DTNB: variants seen among roughly 807,000 people sequenced by gnomAD.
DTNB encodes the protein DTN-B.
Under a neutral mutation model 90.7 loss-of-function variants are expected in DTNB, and 63 were observed. The observed-to-expected ratio is 0.69, with a 90% CI of 0.57 to 0.86. The LOEUF (loss-of-function observed/expected upper bound fraction) is 0.86, where lower values mean the gene tolerates loss of function less well. Among genes scored for constraint, DTNB ranks in the 40% least tolerant of loss-of-function variants. The probability of loss-of-function intolerance (pLI) is 0.00; values close to 1 mark genes in which losing one functional copy is unlikely to be tolerated. For synonymous variants in DTNB, 277 were observed against 286.7 expected (o/e 0.97, Z 0.34); for missense variants, 744 against 807.1 (o/e 0.92, Z 0.95).
rs573777827 is a variant in DTNB, at chr2:25,670,276, T to A, written c.-2+3110A>T. Among the ~76,000 whole-genome samples, 17 of 152,288 alleles carry A rather than the reference T, an allele frequency of 1.1e-4. No homozygotes were observed. The South Asian group carries it at 3.5e-3, about 32-fold the overall frequency. ...TTTTTTATTCTGTATTACCTATATA[T>A]ACATGAAAATACATAGAGAATAGCC... On this transcript the variant is annotated intron_variant, in intron 1 of 20. Coordinates refer to ENST00000406818, the MANE Select transcript of DTNB (RefSeq NM_021907.5).
At chr2:25,494,086 G>C (rs1320783314) in intron 9 of DTNB, among the ~76,000 whole-genome samples, 4 of 152,170 alleles carry the variant, frequency 2.6e-5, no homozygotes, top group East Asian at 1.9e-4. Flanking sequence ...GGAGGTTGTG[G>C]GGGGAAGACA....
intron 8 of DTNB, among the ~76,000 whole-genome samples, chr2:25,535,076 G>GGCT (rs2079163177): frequency 6.7e-6 from 1 of 149,186 alleles, no homozygotes; most frequent in African/African-American, 2.5e-5. Context: ...CAGACGGGGT[G>GGCT]GCCGTGCAGA....
chr2:25,433,858 C>T (rs2054777424), intron 13 of DTNB, 52 bp downstream of exon 13: 7 of 1,588,608 alleles, frequency 4.4e-6, no homozygotes, highest in South Asian at 1.1e-5. Context: ...GAATCAGATA[C>T]GCACGTGATA....
chr2:25,577,064 G>C, intron 7 of DTNB, 60 bp from the exon 8 acceptor site: 1 of 1,455,742 alleles, frequency 6.9e-7, no homozygotes, highest in South Asian at 1.4e-5. Context: ...TAGAATAAAA[G>C]AAGAAAGAAT....
Position 25,482,862 on chromosome 2 carries a change from G to A in DTNB, c.1013C>T (p.Pro338Leu). 6.2e-7 allele frequency: 1 copy of A among 1,605,930 alleles called. No individual in the cohort carries two copies. The highest frequency in any genetic ancestry group is 8.5e-7 in the Non-Finnish European group (1 of 1,177,620). ...LDLAHIVPPRPLTNMNDTMVS... is the reference protein window; with the variant it reads ...LDLAHIVPPRLLTNMNDTMVS... ...CATGGTGTCATTCATATTAGTCAGA[G>A]GGCGAGGAGGACTGAAAGAAAAGAC... Residue 338 changes from proline to leucine, a missense_variant, in exon 10 of 21, where the codon CCT becomes CTT. By Grantham distance (98) the Pro-to-Leu change is moderately conservative (BLOSUM62 -3). Coordinates refer to ENST00000406818, the MANE Select transcript of DTNB (RefSeq NM_021907.5).
intron 5 of DTNB, among the ~76,000 whole-genome samples, chr2:25,603,774 A>G (rs1356106789): frequency 6.6e-6 from 1 of 152,256 alleles, no homozygotes; most frequent in Non-Finnish European, 1.5e-5. Context: ...AGGAGGTTGG[A>G]GCAAACAAGA....
At chr2:25,381,441 G>A (rs1416270926) in intron 19 of DTNB, among the ~76,000 whole-genome samples, 1 of 152,090 alleles carries the variant, frequency 6.6e-6, no homozygotes, top group Admixed American at 6.5e-5. Context: ...ATGCAGTGGC[G>A]TGACTATAGC....
chr2:25,628,182 A>G lies in DTNB; in HGVS notation c.351T>C (p.Ala117=). 1.2e-6 allele frequency: 2 copies of G among 1,613,966 alleles called. No individual in the cohort carries two copies. The highest frequency in any genetic ancestry group is 1.7e-6 in the Non-Finnish European group (2 of 1,179,856). ...AAGGTACTACTAGCCTGTCATATGC[A>G]GCAATCATAAAGTTGAGGAGGAGGC... ...SISLLLNFMI[A]AYDSEGRGKL... Residue 117 remains alanine, a synonymous_variant, in exon 4 of 21, where the codon GCT becomes GCC. Coordinates refer to ENST00000406818, the MANE Select transcript of DTNB (RefSeq NM_021907.5).
chr2:25,442,272 A>C (rs151112086), intron 12 of DTNB, among the ~76,000 whole-genome samples: 1 of 152,324 alleles, frequency 6.6e-6, no homozygotes, highest in African/African-American at 2.4e-5. Flanking sequence ...ATCCAAAACT[A>C]ATGGTTTTCA....
chr2:25,668,369 G>A (rs955642723), intron 1 of DTNB, among the ~76,000 whole-genome samples: 1 of 152,218 alleles, frequency 6.6e-6, no homozygotes, highest in African/African-American at 2.4e-5. Context: ...CCAAATCTAT[G>A]ACATTTCCAA....
intron 12 of DTNB, among the ~76,000 whole-genome samples, chr2:25,449,604 C>A (rs1033303866): frequency 6.6e-6 from 1 of 152,054 alleles, no homozygotes; most frequent in East Asian, 1.9e-4. Flanking sequence ...TGGCCACTGG[C>A]ATATCTTCTT....
chr2:25,664,790 T>G (rs1243921982), intron 1 of DTNB, among the ~76,000 whole-genome samples: 1 of 152,206 alleles, frequency 6.6e-6, no homozygotes, highest in Non-Finnish European at 1.5e-5. Context: ...GTCAGGTAAC[T>G]TGGCCTGAAG....
intron 7 of DTNB, among the ~76,000 whole-genome samples, chr2:25,577,830 G>A (rs541437060): frequency 4.6e-5 from 7 of 152,080 alleles, no homozygotes; most frequent in South Asian, 4.1e-4. Flanking sequence ...GAGAAACCCC[G>A]TCTCTACTAA....
At chr2:25,624,520 T>C (rs964736483) in intron 4 of DTNB, among the ~76,000 whole-genome samples, 14 of 152,212 alleles carry the variant, frequency 9.2e-5, no homozygotes, top group African/African-American at 3.1e-4. Flanking sequence ...GCCAGAGCTC[T>C]GATGCAACCA....
rs1002387790 is a variant in DTNB, at chr2:25,614,213, T to C, written c.363-6892A>G. 6.6e-5 allele frequency among the ~76,000 whole-genome samples: 10 copies of C among 152,170 alleles called. No individual in the cohort carries two copies. In the East Asian group the frequency reaches 1.2e-3, roughly 18 times the overall value. Reference sequence around the variant, plus strand: ...CAATGGGCATCTTTAAAAATAATCATGGTGACCATCATACTCAGTGAAGAA... The same window carrying C: ...CAATGGGCATCTTTAAAAATAATCACGGTGACCATCATACTCAGTGAAGAA... On this transcript the variant is annotated intron_variant, in intron 4 of 20. Transcript: ENST00000406818.
intron 12 of DTNB, among the ~76,000 whole-genome samples, chr2:25,438,678 A>G (rs1326765753): frequency 6.6e-6 from 1 of 152,228 alleles, no homozygotes; most frequent in Admixed American, 6.5e-5. Context: ...AAGGAGGTGA[A>G]GCCTAACTCC....
intron 7 of DTNB, 148 bp from the exon 8 acceptor site, chr2:25,577,152 G>A: frequency 9.8e-7 from 1 of 1,021,358 alleles, no homozygotes; most frequent in Non-Finnish European, 1.4e-6. Context: ...AATAAAAGTA[G>A]AGCCGGATGC....
rs1558597744 is a variant in DTNB, at chr2:25,455,398, CACT to C, written c.1169+4_1169+6del. ...TGGCTACCCACTGCTGCTGCACCAC[CACT>C]GACCGTGCACAGTGCTGCAGACGGG... On this transcript the variant is annotated splice_donor_5th_base_variant and intron_variant, in intron 11 of 20. Coordinates refer to ENST00000406818, the MANE Select transcript of DTNB (RefSeq NM_021907.5). 1 of 1,588,678 alleles carries C rather than the reference CACT, an allele frequency of 6.3e-7. No homozygotes were observed. Among genetic ancestry groups the C allele is most frequent in the South Asian group, 1.1e-5 (1 of 86,962 alleles).
chr2:25,388,828 G>GTGTGTGTGTA (rs1211426741), intron 16 of DTNB, among the ~76,000 whole-genome samples: 1 of 151,102 alleles, frequency 6.6e-6, no homozygotes, highest in African/African-American at 2.5e-5. Flanking sequence ...GTGTGTGTGT[G>GTGTGTGTGTA]TGTATGTATA....
Sources: allele counts gnomAD v4.1 joint callset (sites outside exome capture counted in the v4.1 genomes callset), GRCh38; gene constraint gnomAD v4.1.1; transcripts MANE v1.5; gene names NCBI Gene and HGNC (gene_info 2026-07-23, HGNC 2026-07-21).